ANKS1B: variants seen among roughly 807,000 people sequenced by gnomAD.
ANKS1B encodes ankyrin repeat and sterile alpha motif domain containing 1B.
A neutral mutation model predicts 148.3 loss-of-function variants in ANKS1B; 36 were observed. The ratio of observed to expected loss-of-function variants is 0.24; its 90% confidence interval spans 0.19 to 0.32. ANKS1B has a LOEUF of 0.32. ANKS1B is among the 10% of genes least tolerant of loss of function. The probability of loss-of-function intolerance (pLI) is 1.00; values close to 1 mark genes in which losing one functional copy is unlikely to be tolerated. For missense variants in ANKS1B, 1,157 were observed against 1,542.6 expected (o/e 0.75, Z 4.19); for synonymous variants, 542 against 560.8 (o/e 0.97, Z 0.47).
In ANKS1B at chr12:99,870,227, G is replaced by T. The variant is rs1249261133; in HGVS notation, c.135-44838C>A. On this transcript the variant is annotated intron_variant, in intron 1 of 26. Coordinates refer to ENST00000683438, the MANE Select transcript of ANKS1B (RefSeq NM_001352186.2). ...TCTGCTCCTGCATTAATTCACTTGG[G>T]ATAATGTCCTCCAGCTACATCCATG... is the stretch of plus-strand genomic sequence containing the variant. 2.6e-5 allele frequency among the ~76,000 whole-genome samples: 4 copies of T among 152,144 alleles called. No homozygotes were observed. The East Asian group carries it at 7.7e-4, about 29-fold the overall frequency.
At chr12:98,834,163 C>G (rs1049815083) in intron 17 of ANKS1B, among the ~76,000 whole-genome samples, 4 of 152,150 alleles carry the variant, frequency 2.6e-5, no homozygotes, top group Non-Finnish European at 5.9e-5. Flanking sequence ...ACCTTCATCT[C>G]CCCAGGCTGA....
intron 5 of ANKS1B, among the ~76,000 whole-genome samples, chr12:99,780,558 A>AG (rs2064183836): frequency 6.6e-6 from 1 of 152,114 alleles, no homozygotes; most frequent in Non-Finnish European, 1.5e-5. Flanking sequence ...CTGGGATTAC[A>AG]GGCTTGAGCC....
chr12:99,476,893 C>G (rs1240767950), intron 10 of ANKS1B, among the ~76,000 whole-genome samples: 1 of 152,060 alleles, frequency 6.6e-6, no homozygotes, highest in Non-Finnish European at 1.5e-5. Flanking sequence ...GAGAAATTGA[C>G]TTCAAAGACC....
At chr12:98,846,513 G>A (rs543477648) in intron 17 of ANKS1B, among the ~76,000 whole-genome samples, 1 of 152,354 alleles carries the variant, frequency 6.6e-6, no homozygotes, top group South Asian at 2.1e-4. Context: ...GAGTGACCAG[G>A]TTGACCTGTG....
intron 14 of ANKS1B, among the ~76,000 whole-genome samples, chr12:99,234,208 T>G (rs771673395): frequency 3.3e-5 from 5 of 152,116 alleles, no homozygotes; most frequent in Non-Finnish European, 7.4e-5. Context: ...TCATTTTAAA[T>G]TTACCTCCCA....
intron 12 of ANKS1B, among the ~76,000 whole-genome samples, chr12:99,308,826 T>C (rs1602671395): frequency 6.6e-6 from 1 of 151,170 alleles, no homozygotes; most frequent in East Asian, 1.9e-4. Context: ...TCACACATTT[T>C]ATTAGATTTG....
chr12:99,527,811 T>C (rs2096941931), intron 9 of ANKS1B, among the ~76,000 whole-genome samples: 1 of 151,484 alleles, frequency 6.6e-6, no homozygotes, highest in Non-Finnish European at 1.5e-5. Flanking sequence ...TAACTTTGAT[T>C]AAAATGTATC....
chr12:99,385,728 T>C (rs1424523627), intron 12 of ANKS1B, among the ~76,000 whole-genome samples: 1 of 152,124 alleles, frequency 6.6e-6, no homozygotes, highest in Non-Finnish European at 1.5e-5. Context: ...CCCAGCTGCA[T>C]ATCAATGGCC....
chr12:99,761,618 T>C (rs1236564678), intron 8 of ANKS1B, among the ~76,000 whole-genome samples: 4 of 152,042 alleles, frequency 2.6e-5, no homozygotes, highest in African/African-American at 7.2e-5. Context: ...ACTAGAAGCA[T>C]TTTCCTTAAG....
chr12:99,082,394 G>A lies in ANKS1B; in HGVS notation c.2625+2531C>T, dbSNP rs144759049. On this transcript the variant is annotated intron_variant, in intron 16 of 26. Coordinates refer to ENST00000683438, the MANE Select transcript of ANKS1B (RefSeq NM_001352186.2). ...TGACAATGTATAGGAGCAAGTGTAT[G>A]AAGTTCTGAAGGAAGGGCTTTCTAG... Among the ~76,000 whole-genome samples the A allele has an allele frequency of 6.8e-4, 104 of 152,258 alleles. 1 individual carries two copies. The highest frequency in any genetic ancestry group is 2.5e-3 in the African/African-American group (102 of 41,536).
chr12:99,068,601 T>C (rs377242729), intron 16 of ANKS1B, among the ~76,000 whole-genome samples: 22 of 152,194 alleles, frequency 1.4e-4, no homozygotes, highest in African/African-American at 5.3e-4. Flanking sequence ...ATTTCTTTTA[T>C]AGTTTCTCTT....
At chr12:99,471,770 A>G (rs2152905336) in intron 10 of ANKS1B, among the ~76,000 whole-genome samples, 1 of 152,260 alleles carries the variant, frequency 6.6e-6, no homozygotes, top group South Asian at 2.1e-4. Flanking sequence ...TCTTCCAAAT[A>G]TACTTAAAAC....
At chr12:99,346,327 A>G (rs867214842) in intron 12 of ANKS1B, among the ~76,000 whole-genome samples, 4 of 151,548 alleles carry the variant, frequency 2.6e-5, no homozygotes, top group African/African-American at 9.7e-5. Context: ...TTTTTAACTT[A>G]GCCACCTCCC....
At chr12:99,705,990 C>A (rs190878237) in intron 8 of ANKS1B, among the ~76,000 whole-genome samples, 1 of 152,206 alleles carries the variant, frequency 6.6e-6, no homozygotes, top group African/African-American at 2.4e-5. Context: ...GAAGAGGAAT[C>A]AGGGTTTAGC....
At chr12:99,508,810 A>C (rs1237990953) in intron 9 of ANKS1B, among the ~76,000 whole-genome samples, 2 of 151,806 alleles carry the variant, frequency 1.3e-5, no homozygotes, top group Admixed American at 6.6e-5. Flanking sequence ...GGACTTTCTA[A>C]TTGGTTCCAT....
intron 9 of ANKS1B, among the ~76,000 whole-genome samples, chr12:99,617,850 T>C (rs530495051): frequency 3.9e-4 from 59 of 152,022 alleles, no homozygotes; most frequent in African/African-American, 1.4e-3. Flanking sequence ...TACATAAACA[T>C]AGATACACAC....
At chr12:99,365,472 A>G (rs1156529174) in intron 12 of ANKS1B, among the ~76,000 whole-genome samples, 2 of 152,174 alleles carry the variant, frequency 1.3e-5, no homozygotes, top group Non-Finnish European at 2.9e-5. Flanking sequence ...GACAACTCAG[A>G]AGGGTGTGAG....
chr12:99,793,166 A>T (rs746652995), intron 4 of ANKS1B, among the ~76,000 whole-genome samples: 3 of 152,096 alleles, frequency 2.0e-5, no homozygotes, highest in Non-Finnish European at 4.4e-5. Context: ...AAAACTGTAA[A>T]ATACTGATGA....
intron 12 of ANKS1B, among the ~76,000 whole-genome samples, chr12:99,387,595 C>CA (rs1320179791): frequency 3.3e-4 from 48 of 146,014 alleles, no homozygotes; most frequent in African/African-American, 6.5e-4. Context: ...GACTCTGTCT[C>CA]AAAAAAAAAA....
Sources: allele counts gnomAD v4.1 joint callset (sites outside exome capture counted in the v4.1 genomes callset), GRCh38; gene constraint gnomAD v4.1.1; transcripts MANE v1.5; gene names NCBI Gene and HGNC (gene_info 2026-07-23, HGNC 2026-07-21).